CACNA1C: variants seen among roughly 807,000 people sequenced by gnomAD.
CACNA1C encodes the protein calcium voltage-gated channel subunit alpha1 C.
Under a neutral mutation model 229.0 loss-of-function variants are expected in CACNA1C, and 30 were observed. The ratio of observed to expected loss-of-function variants is 0.13; its 90% CI spans 0.10 to 0.18. The LOEUF (loss-of-function observed/expected upper bound fraction) is 0.18, where lower values mean the gene tolerates loss of function less well. CACNA1C is among the 10% of genes least tolerant of loss of function. CACNA1C has a pLI of 1.00. For synonymous variants in CACNA1C, 1,114 were observed against 1,132.5 expected, an observed-to-expected ratio of 0.98 and a Z score of 0.33; for missense variants, 1,658 against 2,845.0, an observed-to-expected ratio of 0.58 and a Z score of 9.49.
At chr12:2,156,143 A>G (rs1437956866) in intron 3 of CACNA1C, among the ~76,000 whole-genome samples, 1 of 152,234 alleles carries the variant, frequency 6.6e-6, no homozygotes, top group Non-Finnish European at 1.5e-5. Context: ...CTTTTAAGGT[A>G]CACATACATA....
intron 3 of CACNA1C, among the ~76,000 whole-genome samples, chr12:2,193,588 G>A (rs2097308725): frequency 2.0e-5 from 3 of 152,354 alleles, no homozygotes; most frequent in South Asian, 4.1e-4. Context: ...TGAGCAAGCC[G>A]TCTGAATTGA....
chr12:2,115,903 T>C (rs7297252), intron 2 of CACNA1C, among the ~76,000 whole-genome samples: 137,189 of 152,336 alleles, frequency 0.9, 62,104 homozygotes, highest in East Asian at 0.99. Flanking sequence ...CCCACTCATG[T>C]GTTGGGGTAA....
At chr12:2,603,693 C>T (rs1423185096) in intron 22 of CACNA1C, 2 of 152,192 alleles carry the variant, frequency 1.3e-5, no homozygotes, top group African/African-American at 4.8e-5. Flanking sequence ...GGCTTGGCCT[C>T]AGCATCCCAG....
chr12:2,062,754 A>G (rs1409423652), intron 1 of CACNA1C, among the ~76,000 whole-genome samples: 1 of 151,638 alleles, frequency 6.6e-6, no homozygotes, highest in Non-Finnish European at 1.5e-5. Flanking sequence ...CTCCCGGGGG[A>G]CCCATTTGTG....
intron 3 of CACNA1C, among the ~76,000 whole-genome samples, chr12:2,426,913 A>G (rs2099037726): frequency 6.6e-6 from 1 of 152,234 alleles, no homozygotes; most frequent in Admixed American, 6.5e-5. Context: ...CACGTGGCCT[A>G]CGCTTAGCTG....
intron 3 of CACNA1C, among the ~76,000 whole-genome samples, chr12:2,160,784 A>G (rs1047348201): frequency 6.6e-6 from 1 of 152,166 alleles, no homozygotes; most frequent in Admixed American, 6.5e-5. Context: ...CCAGTGAAAG[A>G]GTATCGATTT....
chr12:2,141,789 C>T (rs767632822), intron 3 of CACNA1C, among the ~76,000 whole-genome samples: 12 of 151,182 alleles, frequency 7.9e-5, no homozygotes, highest in Non-Finnish European at 1.0e-4. Context: ...TATCTGACAG[C>T]GCTTGGCCCC....
At chr12:2,216,543 T>C (rs557875470) in intron 3 of CACNA1C, among the ~76,000 whole-genome samples, 21 of 152,318 alleles carry the variant, frequency 1.4e-4, no homozygotes, top group Non-Finnish European at 1.9e-4. Flanking sequence ...GAATTACTCA[T>C]AAGGCAGAGT....
chr12:2,572,681 TCTTCTCTTCCTCCTTCTC>T (rs2056398422), intron 13 of CACNA1C, among the ~76,000 whole-genome samples: 2 of 93,298 alleles, frequency 2.1e-5, no homozygotes, highest in African/African-American at 8.6e-5. Flanking sequence ...TCCTCCTCCT[TCTTCTCTTCCTCCTTCTC>T]CTCTTCCTCC....
chr12:2,194,320 G>A (rs7133502), intron 3 of CACNA1C, among the ~76,000 whole-genome samples: 48,988 of 142,958 alleles, frequency 0.34, 8,658 homozygotes, highest in South Asian at 0.4. Context: ...GCCTCCTCCC[G>A]TTCCTCCTCC....
At chr12:2,577,584 CTGTT>C (rs151135459) in intron 13 of CACNA1C, among the ~76,000 whole-genome samples, 1 of 152,364 alleles carries the variant, frequency 6.6e-6, no homozygotes, top group East Asian at 1.9e-4. Context: ...CCACTTCTCA[CTGTT>C]TGGCAAAGTG....
intron 3 of CACNA1C, among the ~76,000 whole-genome samples, chr12:2,145,540 T>C (rs1280338558): frequency 6.6e-6 from 1 of 151,174 alleles, no homozygotes; most frequent in Non-Finnish European, 1.5e-5. Flanking sequence ...TTTATACATG[T>C]GTTTGCTTGC....
intron 9 of CACNA1C, among the ~76,000 whole-genome samples, chr12:2,528,286 A>G (rs2099829410): frequency 6.6e-6 from 1 of 152,172 alleles, no homozygotes; most frequent in South Asian, 2.1e-4. Context: ...AGCCCCTTCC[A>G]GCTTTGGAAT....
intron 9 of CACNA1C, among the ~76,000 whole-genome samples, chr12:2,548,789 G>T (rs898985747): frequency 1.3e-5 from 2 of 152,154 alleles, no homozygotes; most frequent in African/African-American, 2.4e-5. Context: ...ACCAGTAAAA[G>T]TGTTTCTTGG....
chr12:2,669,203 G>A (rs1415096793), intron 38 of CACNA1C, among the ~76,000 whole-genome samples, 168 bp downstream of exon 38: 1 of 152,168 alleles, frequency 6.6e-6, no homozygotes, highest in Non-Finnish European at 1.5e-5. Flanking sequence ...GCCCCAGCCT[G>A]CTCATGACTT....
At position 2,445,036 on chromosome 12, in the gene CACNA1C, G is replaced by T. The variant is rs1026468075; in HGVS notation, c.478-3940G>T. ...CATCTTGCTCCTGCCGGGCCCTCCA[G>T]CCCTGCTACTTCAACACCCTCACTC... is the stretch of plus-strand genomic sequence containing the variant. On this transcript the variant is annotated intron_variant, in intron 3 of 46. Coordinates refer to ENST00000399655, the MANE Select transcript of CACNA1C (RefSeq NM_000719.7). Among the ~76,000 whole-genome samples the T allele has an allele frequency of 2.0e-4, 30 of 152,136 alleles. 1 individual carries two copies. The highest frequency in any genetic ancestry group is 6.5e-5 in the Admixed American group (1 of 15,276).
intron 1 of CACNA1C, among the ~76,000 whole-genome samples, chr12:2,012,245 A>G (rs1019533415): frequency 3.3e-5 from 5 of 152,166 alleles, no homozygotes; most frequent in Non-Finnish European, 7.3e-5. Context: ...CTACTTCTAT[A>G]ATGCTGAGAT....
chr12:2,577,851 A>G (rs1301076347), intron 13 of CACNA1C, among the ~76,000 whole-genome samples: 1 of 150,964 alleles, frequency 6.6e-6, no homozygotes, highest in Non-Finnish European at 1.5e-5. Flanking sequence ...AGCAGACAAT[A>G]AGCAAAGAAG....
At chr12:2,182,131 CAAAAAAAAA>C (rs56365126) in intron 3 of CACNA1C, among the ~76,000 whole-genome samples, 6 of 86,690 alleles carry the variant, frequency 6.9e-5, no homozygotes, top group Admixed American at 3.6e-4. Flanking sequence ...TTTCTGTCTG[CAAAAAAAAA>C]AAAAAAAAAA....
Sources: allele counts gnomAD v4.1 joint callset (sites outside exome capture counted in the v4.1 genomes callset), GRCh38; gene constraint gnomAD v4.1.1; transcripts MANE v1.5; gene names NCBI Gene and HGNC (gene_info 2026-07-23, HGNC 2026-07-21).